ESRRB: variants seen among roughly 807,000 people sequenced by gnomAD.
The protein encoded by ESRRB is estrogen related receptor beta, also known as steroid hormone receptor ERR2.
A neutral mutation model predicts 46.0 loss-of-function variants in ESRRB; 16 were observed. The ratio of observed to expected loss-of-function variants is 0.35; its 90% CI spans 0.24 to 0.53. ESRRB has a LOEUF of 0.53. ESRRB is among the 20% of genes least tolerant of loss of function. ESRRB has a pLI of 0.93. For missense variants in ESRRB, 488 were observed against 607.4 expected (o/e 0.80, Z 2.07); for synonymous variants, 246 against 259.6 (o/e 0.95, Z 0.50).
At chr14:76,419,072 T>G (rs1447113629) in intron 1 of ESRRB, among the ~76,000 whole-genome samples, 1 of 152,108 alleles carries the variant, frequency 6.6e-6, no homozygotes, top group East Asian at 1.9e-4. Context: ...TGGAGTGCGA[T>G]GGCACGATCT....
intron 1 of ESRRB, among the ~76,000 whole-genome samples, chr14:76,384,968 T>A (rs905097225): frequency 1.3e-5 from 2 of 152,294 alleles, no homozygotes; most frequent in Admixed American, 1.3e-4. Flanking sequence ...TCCCTTCTTG[T>A]GATGCTTCAT....
At chr14:76,340,659 G>C (rs1884180945) in intron 1 of ESRRB, among the ~76,000 whole-genome samples, 2 of 152,180 alleles carry the variant, frequency 1.3e-5, no homozygotes, top group South Asian at 4.1e-4. Flanking sequence ...TTTATTGAAG[G>C]AATGAGGAGC....
intron 3 of ESRRB, among the ~76,000 whole-genome samples, chr14:76,477,763 G>C (rs549308290): frequency 7.2e-5 from 11 of 152,238 alleles, no homozygotes; most frequent in African/African-American, 2.6e-4. Context: ...AGCGTAATCT[G>C]ATAATTGATA....
chr14:76,375,122 G>T (rs898331235), upstream of ESRRB, among the ~76,000 whole-genome samples: 2 of 151,806 alleles, frequency 1.3e-5, no homozygotes, highest in African/African-American at 2.4e-5. Flanking sequence ...GTCTCCTGAG[G>T]GCTTTTCCCC....
rs376633892 is a variant in ESRRB, at chr14:76,488,141, G to T, written c.851-3306G>T. On this transcript the variant is annotated intron_variant, in intron 5 of 6. Transcript: ENST00000644823. ...TTTTTCTTTCTCAATTTTCCTTCTG[G>T]TGTTTCTTTTTGCAAATACTAGAAA... Among the ~76,000 whole-genome samples the T allele has an allele frequency of 3.1e-4, 47 of 152,018 alleles. No individual in the cohort carries two copies. In the South Asian group the frequency reaches 9.4e-3, roughly 30 times the overall value.
intron 1 of ESRRB, among the ~76,000 whole-genome samples, chr14:76,438,663 CAAA>C (rs879790232): frequency 8.6e-6 from 1 of 115,686 alleles, no homozygotes; most frequent in Non-Finnish European, 1.8e-5. Flanking sequence ...GACTCCATCT[CAAA>C]AAAAAAAAAA....
In ESRRB at chr14:76,482,109, C is replaced by T. The variant is rs1889829390; in HGVS notation, c.671C>T (p.Pro224Leu). ...CCATACCTGAGCTTACAAATTTCTC[C>T]ACCTGCTAAAAAGCCATGTGAGTGT... ...SSPYLSLQIS[P>L]PAKKPLTKIV... Residue 224 changes from proline (P) to leucine (L), a missense_variant, in exon 4 of 7, where the codon CCA becomes CTA. By Grantham distance (98) the Pro-to-Leu change is moderately conservative (BLOSUM62 -3). Coordinates refer to ENST00000644823, the MANE Select transcript of ESRRB (RefSeq NM_001379180.1). The surrounding 1 kb of genome is among the most constrained non-coding windows in gnomAD (Gnocchi z 4.3). 1 of 1,614,102 alleles carries T rather than the reference C, an allele frequency of 6.2e-7. No individual in the cohort carries two copies. Among genetic ancestry groups the T allele is most frequent in the South Asian group, 1.1e-5 (1 of 91,084 alleles).
At position 76,393,190 on chromosome 14, in the gene ESRRB, C is replaced by A. The variant is rs114244576; in HGVS notation, c.50+16739C>A. Among the ~76,000 whole-genome samples the A allele has an allele frequency of 3.9e-3, 594 of 152,304 alleles. 5 individuals carry two copies. Among genetic ancestry groups the A allele is most frequent in the African/African-American group, 0.014 (574 of 41,562 alleles). ...TTTGACCACCCAGCTCCATGCCTGG[C>A]CAGCAGAGTTCTCGCAGGAGACCCT... is the stretch of plus-strand genomic sequence containing the variant. On this transcript the variant is annotated intron_variant, in intron 1 of 6. Coordinates refer to ENST00000644823, the MANE Select transcript of ESRRB (RefSeq NM_001379180.1).
At chr14:76,420,558 A>AGTGTGTGTGTGTGTGTGTGT (rs61137774) in intron 1 of ESRRB, among the ~76,000 whole-genome samples, 1 of 142,360 alleles carries the variant, frequency 7.0e-6, no homozygotes, top group African/African-American at 2.6e-5. Flanking sequence ...ACAGGGTGTG[A>AGTGTGTGTGTGTGTGTGTGT]GTGTGTGTGT....
chr14:76,386,943 T>C (rs1343579169), intron 1 of ESRRB, among the ~76,000 whole-genome samples: 2 of 152,134 alleles, frequency 1.3e-5, no homozygotes, highest in East Asian at 3.9e-4. Context: ...CTGTGCCTGA[T>C]GTTTCCCTGA....
At chr14:76,477,776 C>T (rs368013244) in intron 3 of ESRRB, among the ~76,000 whole-genome samples, 14 of 152,204 alleles carry the variant, frequency 9.2e-5, no homozygotes, top group African/African-American at 2.9e-4. Context: ...AATTGATACA[C>T]GTATTGATTG....
chr14:76,491,691 C>T lies in ESRRB; in HGVS notation c.1095C>T (p.Leu365=). The part of the protein sequence containing the change: ...LKVEKEEFVT[L]KALALANSDS... ...TGGAGAAGGAGGAGTTTGTGACGCTCAAGGCCCTGGCCCTCGCCAACTCCG... is the reference window on the plus strand; with the variant it reads ...TGGAGAAGGAGGAGTTTGTGACGCTTAAGGCCCTGGCCCTCGCCAACTCCG... The change falls in exon 6 of 7, where the codon CTC becomes CTT. Residue 365 remains leucine, a synonymous_variant. Coordinates refer to ENST00000644823, the MANE Select transcript of ESRRB (RefSeq NM_001379180.1). The T allele has an allele frequency of 1.9e-6, 3 of 1,584,452 alleles. No homozygotes were observed. The highest frequency in any genetic ancestry group is 2.6e-6 in the Non-Finnish European group (3 of 1,167,312).
At chr14:76,467,554 T>G (rs1889172246) in intron 3 of ESRRB, among the ~76,000 whole-genome samples, 1 of 151,856 alleles carries the variant, frequency 6.6e-6, no homozygotes, top group Admixed American at 6.6e-5. Flanking sequence ...CAACCTCATT[T>G]ACACTCAGCT....
chr14:76,378,432 G>T (rs1249023253), intron 1 of ESRRB, among the ~76,000 whole-genome samples: 1 of 152,208 alleles, frequency 6.6e-6, no homozygotes, highest in Non-Finnish European at 1.5e-5. Context: ...TCTGGGAAAG[G>T]TTTGAGATAG....
intron 1 of ESRRB, among the ~76,000 whole-genome samples, chr14:76,349,207 C>G (rs1399441951): frequency 6.6e-6 from 1 of 152,206 alleles, no homozygotes; most frequent in Non-Finnish European, 1.5e-5. Context: ...AGTGGCTGAG[C>G]TGCTATGGCG....
upstream of ESRRB, among the ~76,000 whole-genome samples, chr14:76,367,556 CAAA>C (rs550594147): frequency 3.9e-5 from 4 of 103,444 alleles, no homozygotes; most frequent in Admixed American, 1.0e-4. Flanking sequence ...GATCCTGTCT[CAAA>C]AAAAAAAAAA....
intron 1 of ESRRB, among the ~76,000 whole-genome samples, chr14:76,420,481 G>A (rs112450541): frequency 0.021 from 3,223 of 152,156 alleles, 121 homozygotes; most frequent in African/African-American, 0.074. Flanking sequence ...CAAAGTTGCA[G>A]TTCCGACATT....
chr14:76,456,542 T>A (rs1222748860), intron 2 of ESRRB, among the ~76,000 whole-genome samples: 1 of 151,902 alleles, frequency 6.6e-6, no homozygotes, highest in African/African-American at 2.4e-5. Context: ...ATGAAAAGGA[T>A]CTTAGGGGTA....
chr14:76,411,338 C>A (rs1367804892), intron 1 of ESRRB, among the ~76,000 whole-genome samples: 1 of 151,980 alleles, frequency 6.6e-6, no homozygotes, highest in African/African-American at 2.4e-5. Flanking sequence ...ATCCCAGCTA[C>A]TCGGGAGGCC....
Sources: gnomAD v4.1 joint callset for allele counts (sites outside exome capture counted in the v4.1 genomes callset) on GRCh38, gnomAD v4.1.1 for gene constraint, Gnocchi (gnomAD v3.1) non-coding constraint, MANE v1.5 for transcripts, NCBI Gene and HGNC (gene_info 2026-07-23, HGNC 2026-07-21) for gene names.